C1QTNF3: variants seen among roughly 807,000 people sequenced by gnomAD.
The protein encoded by C1QTNF3 is C1q and TNF related 3, also known as complement C1q tumor necrosis factor-related protein 3.
C1QTNF3 carries 26 observed loss-of-function variants against 32.6 expected under a neutral mutation model. The ratio of observed to expected loss-of-function variants is 0.80; its 90% confidence interval spans 0.58 to 1.11. C1QTNF3 has a LOEUF of 1.11. Ranked by LOEUF, C1QTNF3 falls within the 50% of genes least tolerant of loss-of-function variation. The pLI, the probability that C1QTNF3 is intolerant of heterozygous loss-of-function variation, is 0.00. For missense variants in C1QTNF3, 362 were observed against 398.2 expected, an observed-to-expected ratio of 0.91 and a Z score of 0.77; for synonymous variants, 155 against 146.0, an observed-to-expected ratio of 1.06 and a Z score of -0.44.
the C1QTNF3 span, among the ~76,000 whole-genome samples, chr5:34,088,968 T>C: frequency 6.6e-6 from 1 of 152,044 alleles, no homozygotes; most frequent in African/African-American, 2.4e-5. Flanking sequence ...TTGTTCATTC[T>C]GGAACACTTT....
the C1QTNF3 span, among the ~76,000 whole-genome samples, chr5:34,144,906 G>A: frequency 6.6e-6 from 1 of 152,078 alleles, no homozygotes; most frequent in East Asian, 1.9e-4. Context: ...GAGGCAGGTG[G>A]ATCACGAGGT....
At chr5:34,033,779 T>G (rs1465830055) in intron 2 of C1QTNF3, among the ~76,000 whole-genome samples, 3 of 152,224 alleles carry the variant, frequency 2.0e-5, no homozygotes, top group Admixed American at 6.5e-5. Context: ...GCATGACATA[T>G]TCTAGAAACT....
chr5:34,214,722 T>C, the C1QTNF3 span, among the ~76,000 whole-genome samples: 1 of 152,116 alleles, frequency 6.6e-6, no homozygotes, highest in African/African-American at 2.4e-5. Flanking sequence ...GCTATCTCCT[T>C]GAAAACCATC....
chr5:34,134,184 T>C, the C1QTNF3 span, among the ~76,000 whole-genome samples: 1 of 152,260 alleles, frequency 6.6e-6, no homozygotes, highest in East Asian at 1.9e-4. Context: ...GTATCAACAC[T>C]AGAGAGTTAT....
chr5:34,101,737 C>CT, the C1QTNF3 span, among the ~76,000 whole-genome samples: 2 of 152,148 alleles, frequency 1.3e-5, no homozygotes, highest in Non-Finnish European at 2.9e-5. Flanking sequence ...GTAAAATTCC[C>CT]ACCTTTGGTC....
the C1QTNF3 span, chr5:34,167,831 T>C: frequency 1.3e-5 from 2 of 152,242 alleles, no homozygotes; most frequent in African/African-American, 4.8e-5. Context: ...AGTTTTCTTT[T>C]AAAAATGTAT....
At chr5:34,085,567 T>C in the C1QTNF3 span, among the ~76,000 whole-genome samples, 2 of 151,576 alleles carry the variant, frequency 1.3e-5, no homozygotes, top group African/African-American at 4.9e-5. Flanking sequence ...AGACTTGTAG[T>C]ATAGTTTGAA....
In C1QTNF3 at chr5:34,019,791, G is replaced by T. The variant is rs1754280099; in HGVS notation, c.*792C>A. ...AGCCAGGTCAAAATCTTTCTCTAAG[G>T]TATTTATTAATAGTGTATGTTCTTC... On this transcript the variant is annotated 3_prime_UTR_variant, in exon 6 of 6. Coordinates refer to ENST00000382065, the MANE Select transcript of C1QTNF3 (RefSeq NM_181435.6). 1.3e-5 allele frequency: 2 copies of T among 152,122 alleles called. No individual in the cohort carries two copies. Among genetic ancestry groups the T allele is most frequent in the Admixed American group, 6.5e-5 (1 of 15,274 alleles). The allele number at this position is 152,122 out of a possible 1,614,324, so 9.4% of individuals were successfully genotyped here.
At chr5:34,161,020 A>C in the C1QTNF3 span, among the ~76,000 whole-genome samples, 1 of 152,198 alleles carries the variant, frequency 6.6e-6, no homozygotes, top group East Asian at 1.9e-4. Context: ...TCATATGCAT[A>C]CATTTTATTG....
chr5:34,131,257 T>G, the C1QTNF3 span, among the ~76,000 whole-genome samples: 3 of 151,656 alleles, frequency 2.0e-5, no homozygotes, highest in Admixed American at 2.0e-4. Flanking sequence ...AATCAACACT[T>G]TATTTTTCAA....
intron 5 of C1QTNF3, 67 bp downstream of exon 5, chr5:34,023,842 T>C: frequency 7.6e-7 from 1 of 1,308,790 alleles, no homozygotes; most frequent in Non-Finnish European, 1.1e-6. Flanking sequence ...CGCTTCCCTG[T>C]CATTAGGCAT....
the C1QTNF3 span, among the ~76,000 whole-genome samples, chr5:34,208,201 T>C: frequency 1.3e-5 from 2 of 152,266 alleles, no homozygotes; most frequent in Non-Finnish European, 2.9e-5. Context: ...TAACACCTGA[T>C]AATAACTTCC....
the C1QTNF3 span, among the ~76,000 whole-genome samples, chr5:34,077,756 A>G: frequency 6.6e-6 from 1 of 151,452 alleles, no homozygotes; most frequent in Non-Finnish European, 1.5e-5. Flanking sequence ...GTGTCTAAAG[A>G]CTGTCCCCTG....
chr5:34,063,524 G>T, the C1QTNF3 span, among the ~76,000 whole-genome samples: 102 of 152,152 alleles, frequency 6.7e-4, 3 homozygotes, highest in South Asian at 0.017. Flanking sequence ...CTGGTGGGGG[G>T]GCTGGGGGGA....
the C1QTNF3 span, among the ~76,000 whole-genome samples, chr5:34,201,661 G>C: frequency 6.6e-6 from 1 of 152,092 alleles, no homozygotes; most frequent in Admixed American, 6.6e-5. Context: ...GATAAAAAGG[G>C]GGCAGAGAAG....
the C1QTNF3 span, among the ~76,000 whole-genome samples, chr5:34,133,343 GA>G: frequency 6.6e-6 from 1 of 152,222 alleles, no homozygotes; most frequent in East Asian, 1.9e-4. Context: ...TTTTGAAAAA[GA>G]TAACTGTGTC....
At chr5:34,101,158 A>C in the C1QTNF3 span, among the ~76,000 whole-genome samples, 1 of 152,072 alleles carries the variant, frequency 6.6e-6, no homozygotes, top group Non-Finnish European at 1.5e-5. Flanking sequence ...GAAACAATAG[A>C]AAATTAAAAT....
At chr5:34,220,195 A>G in the C1QTNF3 span, among the ~76,000 whole-genome samples, 1 of 152,120 alleles carries the variant, frequency 6.6e-6, no homozygotes, top group African/African-American at 2.4e-5. Flanking sequence ...ATCAATTTTA[A>G]GTGGATCTAC....
At chr5:34,229,280 C>T in the C1QTNF3 span, among the ~76,000 whole-genome samples, 155 of 152,040 alleles carry the variant, frequency 1.0e-3, 1 homozygote, top group East Asian at 0.027. Flanking sequence ...GCTCCTATCA[C>T]ATCTACCTCT....
Sources: allele counts gnomAD v4.1 joint callset (sites outside exome capture counted in the v4.1 genomes callset), GRCh38; gene constraint gnomAD v4.1.1; transcripts MANE v1.5; gene names NCBI Gene and HGNC (gene_info 2026-07-23, HGNC 2026-07-21).